Variants in GRIN2B observed in about 807,000 individuals in gnomAD.
GRIN2B encodes glutamate ionotropic receptor NMDA type subunit 2B.
In GRIN2B, 5 loss-of-function variants were observed where a neutral mutation model predicts 114.5. The ratio of observed to expected loss-of-function variants is 0.04; its 90% confidence interval spans 0.02 to 0.09. The LOEUF is 0.09. GRIN2B is among the 10% of genes least tolerant of loss of function. The pLI is 1.00. For synonymous variants in GRIN2B, 787 were observed against 745.1 expected (o/e 1.06, Z -0.92); for missense variants, 1,108 against 1,943.5 (o/e 0.57, Z 8.08).
chr12:13,830,516 A>G (rs1865126525), intron 3 of GRIN2B, among the ~76,000 whole-genome samples: 1 of 152,232 alleles, frequency 6.6e-6, no homozygotes, highest in African/African-American at 2.4e-5. Flanking sequence ...TATTCTCTGG[A>G]GCAAACACAA....
chr12:13,855,233 CAAAA>C (rs1335185574), intron 3 of GRIN2B, among the ~76,000 whole-genome samples: 1 of 150,464 alleles, frequency 6.6e-6, no homozygotes, highest in Non-Finnish European at 1.5e-5. Context: ...AGAAAAGAGA[CAAAA>C]GAGAGAAAAG....
chr12:13,933,288 C>A (rs1052610910), intron 2 of GRIN2B, among the ~76,000 whole-genome samples: 1 of 152,180 alleles, frequency 6.6e-6, no homozygotes, highest in Non-Finnish European at 1.5e-5. Context: ...GACTGAAACA[C>A]AGGTAGGACC....
intron 2 of GRIN2B, among the ~76,000 whole-genome samples, chr12:13,869,173 G>A (rs1000961899): frequency 6.6e-6 from 1 of 151,702 alleles, no homozygotes; most frequent in South Asian, 2.1e-4. Context: ...TGTGAGCAGG[G>A]ACTTTTTCAA....
intron 2 of GRIN2B, among the ~76,000 whole-genome samples, chr12:13,876,624 C>T (rs1284362027): frequency 6.6e-6 from 1 of 152,144 alleles, no homozygotes. Context: ...AAATAGCCAC[C>T]AAATTTTATA....
intron 2 of GRIN2B, among the ~76,000 whole-genome samples, chr12:13,977,931 T>C (rs73303086): frequency 0.076 from 11,490 of 152,168 alleles, 507 homozygotes; most frequent in Non-Finnish European, 0.11. Context: ...TCCCTCCCCT[T>C]TCAACCTCGC....
At chr12:13,789,749 C>T (rs1332401721) in intron 3 of GRIN2B, among the ~76,000 whole-genome samples, 2 of 151,920 alleles carry the variant, frequency 1.3e-5, no homozygotes, top group Admixed American at 6.6e-5. Context: ...TTAAGAAAAC[C>T]TAATTAAATA....
intron 2 of GRIN2B, among the ~76,000 whole-genome samples, chr12:13,905,488 T>C (rs575179521): frequency 1.3e-5 from 2 of 152,366 alleles, no homozygotes; most frequent in East Asian, 1.9e-4. Flanking sequence ...GTAAGTATAG[T>C]TGTTTCATAC....
At chr12:13,850,822 C>A (rs1478516458) in intron 3 of GRIN2B, among the ~76,000 whole-genome samples, 4 of 152,138 alleles carry the variant, frequency 2.6e-5, no homozygotes, top group Non-Finnish European at 4.4e-5. Context: ...ACTTCACTGT[C>A]ATTTAGATAA....
chr12:13,917,982 G>C (rs1306503545), intron 2 of GRIN2B, among the ~76,000 whole-genome samples: 5 of 152,006 alleles, frequency 3.3e-5, no homozygotes, highest in African/African-American at 4.8e-5. Flanking sequence ...CTCAAATAAA[G>C]GCATCACAGT....
intron 4 of GRIN2B, among the ~76,000 whole-genome samples, chr12:13,709,431 C>T (rs1029983612): frequency 6.6e-6 from 1 of 151,960 alleles, no homozygotes; most frequent in Non-Finnish European, 1.5e-5. Context: ...CATGAACATG[C>T]TTTCAACAAG....
chr12:13,975,781 G>A (rs1000099144), intron 2 of GRIN2B, among the ~76,000 whole-genome samples: 7 of 152,162 alleles, frequency 4.6e-5, no homozygotes, highest in African/African-American at 1.4e-4. Context: ...GGGAAACAGG[G>A]CATATAAACA....
chr12:13,789,266 G>A (rs758203796), intron 3 of GRIN2B, among the ~76,000 whole-genome samples: 6 of 152,132 alleles, frequency 3.9e-5, no homozygotes, highest in African/African-American at 7.2e-5. Context: ...TGCAATAATG[G>A]TATCCCATTA....
chr12:13,747,816 G>C (rs1426207640), intron 4 of GRIN2B, among the ~76,000 whole-genome samples: 1 of 152,144 alleles, frequency 6.6e-6, no homozygotes, highest in African/African-American at 2.4e-5. Flanking sequence ...TAAAAGATGG[G>C]TAATGACCAA....
chr12:13,622,574 C>T (rs1203060833), intron 5 of GRIN2B, among the ~76,000 whole-genome samples: 1 of 151,810 alleles, frequency 6.6e-6, no homozygotes, highest in African/African-American at 2.4e-5. Context: ...TTGTTTTCTG[C>T]TACTATAAAA....
At chr12:13,954,073 C>G (rs1482191409) in intron 2 of GRIN2B, among the ~76,000 whole-genome samples, 3 of 152,202 alleles carry the variant, frequency 2.0e-5, no homozygotes, top group Non-Finnish European at 4.4e-5. Context: ...GGCATAGCTA[C>G]GTACTTTGGT....
intron 3 of GRIN2B, among the ~76,000 whole-genome samples, chr12:13,809,003 G>A (rs1183659066): frequency 6.6e-6 from 1 of 152,076 alleles, no homozygotes; most frequent in African/African-American, 2.4e-5. Flanking sequence ...GAGTACAGTG[G>A]AGGTGTAACA....
At chr12:13,566,432 G>C (rs953840636) in intron 13 of GRIN2B, among the ~76,000 whole-genome samples, 2 of 152,144 alleles carry the variant, frequency 1.3e-5, no homozygotes, top group Admixed American at 6.5e-5. Flanking sequence ...TTTAGACTAG[G>C]AATGAAGAGG....
intron 3 of GRIN2B, among the ~76,000 whole-genome samples, chr12:13,827,230 T>TTTC (rs1363831760): frequency 1.3e-3 from 14 of 11,196 alleles, no homozygotes; most frequent in Non-Finnish European, 2.2e-3. Context: ...TGTTGTTTTC[T>TTTC]TTTTTTTTTT....
rs1257880263 is a variant in GRIN2B at position 13,538,485 on chromosome 12, A to G, written c.*24298T>C. 6.6e-6 allele frequency: 1 copy of G among 152,230 alleles called. No individual in the cohort carries two copies. Among genetic ancestry groups the G allele is most frequent in the Non-Finnish European group, 1.5e-5 (1 of 68,038 alleles). The allele number at this position is 152,230 out of a possible 1,614,324, so 9.4% of individuals were successfully genotyped here. ...TGATATCCTACTGGAGGTTCCCACC[A>G]TAATCCAGATAAATACTCGCAAGCT... is the stretch of plus-strand genomic sequence containing the variant. On this transcript the variant is annotated 3_prime_UTR_variant, in exon 14 of 14. Transcript: ENST00000609686.
Sources: allele counts gnomAD v4.1 joint callset (sites outside exome capture counted in the v4.1 genomes callset), GRCh38; gene constraint gnomAD v4.1.1; transcripts MANE v1.5; gene names NCBI Gene and HGNC (gene_info 2026-07-23, HGNC 2026-07-21).